The following TNRC18 variants were observed in gnomAD, a reference collection of about 807,000 sequenced individuals.
The protein encoded by TNRC18 is trinucleotide repeat containing 18.
TNRC18 carries 69 observed loss-of-function variants against 226.7 expected under a neutral mutation model. That is an observed-to-expected ratio of 0.30 (90% CI 0.25 to 0.37). The LOEUF (loss-of-function observed/expected upper bound fraction) is 0.37, where lower values mean the gene tolerates loss of function less well. Among genes scored for constraint, TNRC18 ranks in the 10% least tolerant of loss-of-function variants. TNRC18 has a pLI of 1.00. For missense variants in TNRC18, 4,754 were observed against 4,256.6 expected, an observed-to-expected ratio of 1.12 and a Z score of -3.25; for synonymous variants, 2,449 against 1,927.6, an observed-to-expected ratio of 1.27 and a Z score of -7.09.
intron 19 of TNRC18, among the ~76,000 whole-genome samples, chr7:5,331,940 G>A (rs1046192536): frequency 2.0e-5 from 3 of 151,910 alleles, no homozygotes; most frequent in Non-Finnish European, 4.4e-5. Context: ...TTTTAAGTAC[G>A]GTATTTACTA....
chr7:5,359,458 T>G lies in TNRC18; in HGVS notation c.4773A>C (p.Lys1591Asn). 6.2e-7 allele frequency: 1 copy of G among 1,614,032 alleles called. No homozygotes were observed. Among genetic ancestry groups the G allele is most frequent in the African/African-American group, 1.3e-5 (1 of 75,056 alleles). ...EEHDALIGMG[K>N]ARGRNQTWDE... ...CCCAAGTCTGGTTCCTCCCCCTGGC[T>G]TTCCCCATTCCGATGAGGGCATCAT... Residue 1591 changes from lysine to asparagine, a missense_variant, in exon 15 of 30, where the codon AAA becomes AAC. Lys to Asn is a moderately conservative substitution (Grantham distance 94). Transcript: ENST00000430969.
At chr7:5,401,383 T>C (rs1382021247) in intron 2 of TNRC18, among the ~76,000 whole-genome samples, 3 of 152,138 alleles carry the variant, frequency 2.0e-5, no homozygotes, top group Admixed American at 1.3e-4. Context: ...CCTCCAGATA[T>C]ACAGGGAAGA....
chr7:5,323,080 G>C (rs1307696366), intron 21 of TNRC18, among the ~76,000 whole-genome samples: 5 of 152,184 alleles, frequency 3.3e-5, no homozygotes, highest in Admixed American at 2.0e-4. Context: ...AGGCCACTGG[G>C]GGTCTGCATG....
intron 9 of TNRC18, 37 bp from the exon 10 acceptor site, chr7:5,374,521 G>A (rs375915220): frequency 1.4e-4 from 213 of 1,524,588 alleles, no homozygotes; most frequent in Middle Eastern, 7.4e-4. Flanking sequence ...AGCACGGCAC[G>A]AGTTTCCCCC....
chr7:5,330,818 C>G (rs1272746457), intron 19 of TNRC18, among the ~76,000 whole-genome samples: 1 of 152,118 alleles, frequency 6.6e-6, no homozygotes, highest in Non-Finnish European at 1.5e-5. Context: ...GGATTACAGG[C>G]ACCCGCCACC....
intron 11 of TNRC18, among the ~76,000 whole-genome samples, chr7:5,365,008 C>G (rs139300182): frequency 6.8e-6 from 1 of 146,680 alleles, no homozygotes. Context: ...TGCAAAGGAG[C>G]CTACGCAGAA....
chr7:5,366,144 T>TGGG (rs1360347847), intron 11 of TNRC18, among the ~76,000 whole-genome samples: 2 of 152,004 alleles, frequency 1.3e-5, no homozygotes, highest in Non-Finnish European at 2.9e-5. Context: ...GCATCTCTGC[T>TGGG]GGGGGCTTGT....
chr7:5,421,032 G>A lies in TNRC18; in HGVS notation c.187+28C>T, dbSNP rs1014946262. The A allele has an allele frequency of 1.4e-5, 22 of 1,536,162 alleles. No homozygotes were observed. The African/African-American group carries it at 1.9e-4, about 13-fold the overall frequency. ...AGTGGATCTCCCTGGGAAGACAGGA[G>A]GGGACGGGCACGGCGCGGGGCACTT... On this transcript the variant is annotated intron_variant, in intron 2 of 29. Coordinates refer to ENST00000430969, the MANE Select transcript of TNRC18 (RefSeq NM_001080495.3).
At chr7:5,317,711 GTT>G (rs34172970) in intron 24 of TNRC18, among the ~76,000 whole-genome samples, 65 of 143,504 alleles carry the variant, frequency 4.5e-4, no homozygotes, top group East Asian at 1.2e-3. Flanking sequence ...AACTCTTAAG[GTT>G]TTTTTTTTTT....
Position 5,313,325 on chromosome 7 carries a change from G to T in TNRC18, c.7566C>A (p.Asp2522Glu). Reference sequence around the variant, plus strand: ...GCCCGGGCTCCTGGGCGAGGTCCCCGTCGGTGGCCTTGGGCCAGGGTGCCT... The same window carrying T: ...GCCCGGGCTCCTGGGCGAGGTCCCCTTCGGTGGCCTTGGGCCAGGGTGCCT... ...EPKAPWPKAT[D>E]GDLAQEPGPG... Residue 2522 changes from aspartate to glutamate, a missense_variant, in exon 27 of 30, where the codon GAC becomes GAA. Transcript: ENST00000430969. 6.4e-7 allele frequency: 1 copy of T among 1,551,556 alleles called. No homozygotes were observed. The highest frequency in any genetic ancestry group is 1.4e-5 in the African/African-American group (1 of 73,256).
At chr7:5,385,494 CAAAAAAAAAAAAAAAAA>C (rs60919833) in intron 5 of TNRC18, among the ~76,000 whole-genome samples, 19 of 88,126 alleles carry the variant, frequency 2.2e-4, no homozygotes, top group Non-Finnish European at 3.6e-4. Context: ...GACTCCGTCT[CAAAAAAAAAAAAAAAAA>C]AAAAAAGAAA....
At position 5,377,312 on chromosome 7, in the gene TNRC18, A is replaced by ACCCCCCCCCCCCC; in HGVS notation, c.2461+58_2461+59insGGGGGGGGGGGGG. 14 of 1,295,690 alleles carry ACCCCCCCCCCCCC rather than the reference A, an allele frequency of 1.1e-5. No homozygotes were observed. Among genetic ancestry groups the ACCCCCCCCCCCCC allele is most frequent in the East Asian group, 2.6e-5 (1 of 38,800 alleles). 80.3% of individuals were successfully genotyped at this position (1,295,690 alleles called of 1,614,324 possible). On this transcript the variant is annotated intron_variant, in intron 7 of 29. Transcript: ENST00000430969. The surrounding 1 kb of genome is among the most constrained non-coding windows in gnomAD (Gnocchi z 5.8). Reference sequence around the variant, plus strand: ...AGCCAGCCCTGAGCTCTTGTCCTGCACCCGCCCCCTCCCACCCCTCCCTCA... The same window carrying ACCCCCCCCCCCCC: ...AGCCAGCCCTGAGCTCTTGTCCTGCACCCCCCCCCCCCCCCCGCCCCCTCCCACCCCTCCCTCA...
chr7:5,372,705 ACT>A (rs1429632202), intron 10 of TNRC18, among the ~76,000 whole-genome samples: 1 of 151,882 alleles, frequency 6.6e-6, no homozygotes, highest in East Asian at 1.9e-4. Context: ...ACAGAGTGAG[ACT>A]CTATCTCAAA....
intron 5 of TNRC18, 121 bp downstream of exon 5, chr7:5,387,551 T>TA (rs1391980555): frequency 2.9e-6 from 4 of 1,400,888 alleles, no homozygotes; most frequent in East Asian, 2.3e-5. Flanking sequence ...AAGACCATTT[T>TA]AAAAAATGAT....
chr7:5,347,003 G>A (rs543995014), intron 17 of TNRC18, among the ~76,000 whole-genome samples: 3 of 152,088 alleles, frequency 2.0e-5, no homozygotes, highest in South Asian at 4.2e-4. Flanking sequence ...TTAAGCACTC[G>A]GGCAGTAGAA....
chr7:5,341,630 G>A (rs1790693935), intron 18 of TNRC18, among the ~76,000 whole-genome samples: 1 of 151,824 alleles, frequency 6.6e-6, no homozygotes, highest in Non-Finnish European at 1.5e-5. Flanking sequence ...CACATGTGGT[G>A]GTGCACGCCT....
chr7:5,352,301 G>C (rs1459544375), intron 16 of TNRC18, among the ~76,000 whole-genome samples: 1 of 152,140 alleles, frequency 6.6e-6, no homozygotes, highest in East Asian at 1.9e-4. Flanking sequence ...GGGTGCCTCG[G>C]TCATTGCATG....
In TNRC18 at chr7:5,332,674, A is replaced by G. The variant is rs977919325; in HGVS notation, c.6095T>C (p.Leu2032Pro). The G allele has an allele frequency of 6.5e-7, 1 of 1,529,744 alleles. No homozygotes were observed. The highest frequency in any genetic ancestry group is 8.8e-7 in the Non-Finnish European group (1 of 1,141,252). 94.8% of individuals were successfully genotyped at this position (1,529,744 alleles called of 1,614,324 possible). A position where few individuals can be genotyped will look rare whatever the true frequency, so the allele number is the denominator to read the frequency against. The part of the protein sequence containing the change: ...KTSRCAKGGP[L>P]SPRKDAGRAK... ...ACGCCCGGCGTCCTTGCGCGGGCTC[A>G]GGGGGCCGCCCTTGGCGCAGCGGCT... is the stretch of plus-strand genomic sequence containing the variant. Residue 2032 changes from leucine (L) to proline (P), a missense_variant, in exon 19 of 30, where the codon CTG (leucine) becomes CCG (proline). By Grantham distance (98) the Leu-to-Pro change is moderately conservative. Transcript: ENST00000430969.
chr7:5,357,621 T>TA (rs1792584653), intron 15 of TNRC18, among the ~76,000 whole-genome samples: 1 of 152,174 alleles, frequency 6.6e-6, no homozygotes, highest in Non-Finnish European at 1.5e-5. Flanking sequence ...TAGCTGGGAA[T>TA]ACAGGCGTGC....
Sources: allele counts gnomAD v4.1 joint callset (sites outside exome capture counted in the v4.1 genomes callset), GRCh38; gene constraint gnomAD v4.1.1; non-coding constraint Gnocchi (gnomAD v3.1); transcripts MANE v1.5; gene names NCBI Gene and HGNC (gene_info 2026-07-23, HGNC 2026-07-21).